STX1B: variants seen among roughly 807,000 people sequenced by gnomAD.
The protein encoded by STX1B is syntaxin 1B, also known as syntaxin-1B.
A neutral mutation model predicts 39.4 loss-of-function variants in STX1B; 7 were observed. The observed-to-expected ratio is 0.18, with a 90% CI of 0.10 to 0.33. The LOEUF is 0.33. Among genes scored for constraint, STX1B ranks in the 10% least tolerant of loss-of-function variants. STX1B has a pLI of 1.00. For missense variants in STX1B, 198 were observed against 383.2 expected (o/e 0.52, Z 4.04); for synonymous variants, 136 against 144.1 (o/e 0.94, Z 0.40).
At chr16:31,004,189 C>G (rs536015796) in intron 1 of STX1B, among the ~76,000 whole-genome samples, 1 of 152,322 alleles carries the variant, frequency 6.6e-6, no homozygotes, top group East Asian at 1.9e-4. Flanking sequence ...CTCATTTAAT[C>G]TTCATTAGGA....
intron 1 of STX1B, among the ~76,000 whole-genome samples, chr16:31,010,060 T>A (rs569070870): frequency 3.3e-5 from 5 of 152,172 alleles, no homozygotes; most frequent in African/African-American, 1.2e-4. Flanking sequence ...CGGTTTCTCC[T>A]GATATCCACT....
rs774600832 is a variant in STX1B at position 31,001,016 on chromosome 16, G to C, written c.206-14C>G. The C allele has an allele frequency of 1.9e-6, 3 of 1,614,152 alleles. No homozygotes were observed. The highest frequency in any genetic ancestry group is 2.5e-6 in the Non-Finnish European group (3 of 1,180,012). Reference sequence around the variant, plus strand: ...CCTGTTTGGTCTCTGAGGGGAGGGCGAGGGCAAGTGAGATGTCTGGGTGGG... The same window carrying C: ...CCTGTTTGGTCTCTGAGGGGAGGGCCAGGGCAAGTGAGATGTCTGGGTGGG... On this transcript the variant is annotated splice_polypyrimidine_tract_variant and intron_variant, in intron 3 of 9. Transcript: ENST00000215095. This position sits in a 1 kb window ranked among gnomAD's most constrained non-coding sequence, Gnocchi z 5.5.
rs374394560 is a variant in STX1B, at chr16:31,001,244, G to A, written c.106-51C>T. Reference sequence around the variant, plus strand: ...AGCCAAGCTGTCAGGCCAAACAACGGGTTCCAGGGGAACCAGCCAGGGTTC... The same window carrying A: ...AGCCAAGCTGTCAGGCCAAACAACGAGTTCCAGGGGAACCAGCCAGGGTTC... On this transcript the variant is annotated intron_variant, in intron 2 of 9. Coordinates refer to ENST00000215095, the MANE Select transcript of STX1B (RefSeq NM_052874.5). The surrounding 1 kb of genome is among the most constrained non-coding windows in gnomAD (Gnocchi z 5.5). 10 of 1,570,788 alleles carry A rather than the reference G, an allele frequency of 6.4e-6. No individual in the cohort carries two copies. The East Asian group carries it at 1.6e-4, about 25-fold the overall frequency.
chr16:31,001,087 C>T lies in STX1B; in HGVS notation c.205+7G>A. On this transcript the variant is annotated splice_region_variant and intron_variant, in intron 3 of 9. Transcript: ENST00000215095. This position sits in a 1 kb window ranked among gnomAD's most constrained non-coding sequence, Gnocchi z 5.5. The stretch of plus-strand genomic sequence containing the variant: ...CCCACCCCACAGTCACCGGCAGCCA[C>T]ACTCACTCTCATCTGGGTTGGGTGC... The T allele has an allele frequency of 1.9e-6, 3 of 1,614,170 alleles. No individual in the cohort carries two copies. The highest frequency in any genetic ancestry group is 1.3e-5 in the African/African-American group (1 of 75,072).
intron 4 of STX1B, among the ~76,000 whole-genome samples, chr16:30,997,788 CAGGA>C (rs1295626962): frequency 1.3e-5 from 2 of 152,162 alleles, no homozygotes; most frequent in Non-Finnish European, 2.9e-5. Context: ...CGAAGGCAGG[CAGGA>C]AGGGATACTG....
intron 1 of STX1B, 33 bp downstream of exon 1, chr16:31,010,334 C>T: frequency 2.5e-6 from 2 of 787,568 alleles, no homozygotes; most frequent in Non-Finnish European, 3.9e-6. Context: ...TATTGGGGTC[C>T]CGCCCCCCCA....
Position 31,001,846 on chromosome 16 carries a change from T to C in STX1B, c.31-243A>G, listed in dbSNP as rs1456550026. Among the ~76,000 whole-genome samples the C allele has an allele frequency of 6.6e-6, 1 of 152,170 alleles. No homozygotes were observed. The highest frequency in any genetic ancestry group is 1.5e-5 in the Non-Finnish European group (1 of 68,000). On this transcript the variant is annotated intron_variant, in intron 1 of 9. Coordinates refer to ENST00000215095, the MANE Select transcript of STX1B (RefSeq NM_052874.5). The surrounding 1 kb of genome is among the most constrained non-coding windows in gnomAD (Gnocchi z 5.5). The stretch of plus-strand genomic sequence containing the variant: ...ACCCCCTCTCAGGGTGGATGTGGCC[T>C]TGGGGGCGCAGAGCCAGCCTTGACC...
chr16:30,994,440 G>C (rs111942628), intron 7 of STX1B, among the ~76,000 whole-genome samples: 29 of 88,174 alleles, frequency 3.3e-4, no homozygotes, highest in African/African-American at 8.6e-4. Flanking sequence ...AAAAAAAAAA[G>C]GAAATTAGCT....
At chr16:30,993,294 G>A in intron 8 of STX1B, 53 bp downstream of exon 8, 4 of 1,613,518 alleles carry the variant, frequency 2.5e-6, no homozygotes, top group Non-Finnish European at 3.4e-6. Flanking sequence ...CTGGAAGAGG[G>A]GACCTCAGGC....
chr16:30,997,738 G>A (rs994052613), intron 4 of STX1B, among the ~76,000 whole-genome samples, 163 bp from the exon 5 acceptor site: 1 of 152,240 alleles, frequency 6.6e-6, no homozygotes, highest in Non-Finnish European at 1.5e-5. Flanking sequence ...GGTGTTAGGA[G>A]CCAGCAGATA....
Position 30,995,474 on chromosome 16 carries a change from G to A in STX1B, c.537+1209C>T, listed in dbSNP as rs200946332. 2.6e-4 allele frequency among the ~76,000 whole-genome samples: 40 copies of A among 151,400 alleles called. No homozygotes were observed. The East Asian group carries it at 7.2e-3, about 27-fold the overall frequency. Reference sequence around the variant, plus strand: ...GAGAGAAACAAGAACTAGGTTCGGGGAAAGCCCATCCTTTCTTTCTTTTTT... The same window carrying A: ...GAGAGAAACAAGAACTAGGTTCGGGAAAAGCCCATCCTTTCTTTCTTTTTT... On this transcript the variant is annotated intron_variant, in intron 7 of 9. Transcript: ENST00000215095.
intron 1 of STX1B, among the ~76,000 whole-genome samples, chr16:31,004,545 G>T (rs183083232): frequency 4.6e-5 from 7 of 152,060 alleles, no homozygotes; most frequent in Non-Finnish European, 1.0e-4. Flanking sequence ...ATGGTGGTGC[G>T]CACCTGTAGT....
intron 1 of STX1B, among the ~76,000 whole-genome samples, chr16:31,004,181 C>T (rs1279587753): frequency 6.6e-6 from 1 of 152,236 alleles, no homozygotes; most frequent in African/African-American, 2.4e-5. Flanking sequence ...CTTGTTATCT[C>T]ATTTAATCTT....
intron 1 of STX1B, among the ~76,000 whole-genome samples, chr16:31,005,711 A>G (rs565459131): frequency 5.3e-5 from 8 of 152,292 alleles, no homozygotes; most frequent in African/African-American, 1.9e-4. Flanking sequence ...TAACTTGCCC[A>G]AGATCACACA....
chr16:31,005,480 T>TG (rs1051773058), intron 1 of STX1B, among the ~76,000 whole-genome samples: 2 of 146,062 alleles, frequency 1.4e-5, no homozygotes, highest in African/African-American at 5.0e-5. Context: ...CTTTTTTTTT[T>TG]TTTTTTTTTG....
chr16:31,006,510 A>G (rs1247033895), intron 1 of STX1B, among the ~76,000 whole-genome samples: 1 of 152,180 alleles, frequency 6.6e-6, no homozygotes, highest in East Asian at 1.9e-4. Context: ...CTGGCATTCC[A>G]GTGGGGGAGG....
chr16:30,996,616 C>T (rs960441383), intron 7 of STX1B, 67 bp downstream of exon 7: 7 of 1,448,794 alleles, frequency 4.8e-6, no homozygotes, highest in Non-Finnish European at 6.7e-6. Flanking sequence ...GACCTTAGTT[C>T]AACCTGAACT....
chr16:30,993,115 G>C lies in STX1B; in HGVS notation c.786+15C>G, dbSNP rs371578393. 7.4e-6 allele frequency: 12 copies of C among 1,612,310 alleles called. No homozygotes were observed. The African/African-American group carries it at 1.2e-4, about 16-fold the overall frequency. On this transcript the variant is annotated intron_variant, in intron 9 of 9. Coordinates refer to ENST00000215095, the MANE Select transcript of STX1B (RefSeq NM_052874.5). ...GGGCTCCCCCGCCTACCCCCAGGCCGCCTGCCCCGCTCACCCTCCGGGCCT... is the reference window on the plus strand; with the variant it reads ...GGGCTCCCCCGCCTACCCCCAGGCCCCCTGCCCCGCTCACCCTCCGGGCCT...
intron 7 of STX1B, among the ~76,000 whole-genome samples, chr16:30,995,577 C>T (rs560855110): frequency 5.3e-5 from 8 of 151,842 alleles, no homozygotes; most frequent in Admixed American, 1.3e-4. Flanking sequence ...CTGCAACCTC[C>T]GCCTCCCAGG....
Sources: gnomAD v4.1 joint callset for allele counts (sites outside exome capture counted in the v4.1 genomes callset) on GRCh38, gnomAD v4.1.1 for gene constraint, Gnocchi (gnomAD v3.1) non-coding constraint, MANE v1.5 for transcripts, NCBI Gene and HGNC (gene_info 2026-07-23, HGNC 2026-07-21) for gene names.